Variants in OSBPL9 observed in about 807,000 individuals in gnomAD.
OSBPL9 encodes the protein oxysterol-binding protein-related protein 9.
OSBPL9 carries 40 observed loss-of-function variants against 106.6 expected under a neutral mutation model. The ratio of observed to expected loss-of-function variants is 0.38; its 90% CI spans 0.29 to 0.49. The LOEUF is 0.49. Among genes scored for constraint, OSBPL9 ranks in the 20% least tolerant of loss-of-function variants. The pLI is 0.97. For synonymous variants in OSBPL9, 269 were observed against 295.4 expected (o/e 0.91, Z 0.92); for missense variants, 609 against 887.2 (o/e 0.69, Z 3.98).
At chr1:51,654,268 T>C (rs1646691516) in intron 2 of OSBPL9, among the ~76,000 whole-genome samples, 1 of 152,172 alleles carries the variant, frequency 6.6e-6, no homozygotes, top group South Asian at 2.1e-4. Flanking sequence ...TTAGCAGCTA[T>C]TGATGTTCAG....
chr1:51,533,371 A>G, the OSBPL9 span, among the ~76,000 whole-genome samples: 3 of 151,878 alleles, frequency 2.0e-5, no homozygotes, highest in African/African-American at 7.3e-5. Flanking sequence ...CTGTAGTCCC[A>G]GCTACTCTGG....
chr1:51,660,110 T>G (rs1647046033), intron 2 of OSBPL9, among the ~76,000 whole-genome samples: 1 of 152,110 alleles, frequency 6.6e-6, no homozygotes, highest in South Asian at 2.1e-4. Context: ...TAAATGAAAC[T>G]GGATCAATTG....
chr1:51,544,200 G>A, the OSBPL9 span, among the ~76,000 whole-genome samples: 1 of 152,162 alleles, frequency 6.6e-6, no homozygotes, highest in Non-Finnish European at 1.5e-5. Flanking sequence ...TATTTCATAT[G>A]AGAGAAGATG....
chr1:51,718,498 T>G (rs1304557482), intron 4 of OSBPL9, among the ~76,000 whole-genome samples: 7 of 152,150 alleles, frequency 4.6e-5, no homozygotes, highest in African/African-American at 1.7e-4. Flanking sequence ...ATTTAAAAAT[T>G]TATATATTGT....
chr1:51,619,858 A>T (rs182474794), intron 1 of OSBPL9, among the ~76,000 whole-genome samples: 1 of 152,338 alleles, frequency 6.6e-6, no homozygotes, highest in Non-Finnish European at 1.5e-5. Context: ...TACATCTTCC[A>T]GGAAGAATAT....
chr1:51,572,184 A>G (rs1027542555), upstream of OSBPL9, among the ~76,000 whole-genome samples: 4 of 152,218 alleles, frequency 2.6e-5, no homozygotes, highest in African/African-American at 4.8e-5. Context: ...AATGAGATTC[A>G]TAACAGTAGC....
chr1:51,524,361 T>C, the OSBPL9 span, among the ~76,000 whole-genome samples: 1 of 152,180 alleles, frequency 6.6e-6, no homozygotes, highest in African/African-American at 2.4e-5. Context: ...CCCAGGTTGG[T>C]CCAGTTTTGG....
At position 51,691,654 on chromosome 1, in the gene OSBPL9, A is replaced by G. The variant is rs867141009; in HGVS notation, c.241+22142A>G. 4.6e-5 allele frequency among the ~76,000 whole-genome samples: 7 copies of G among 152,056 alleles called. No individual in the cohort carries two copies. In the East Asian group the frequency reaches 9.6e-4, roughly 21 times the overall value. ...TTTTTAACTTCATGTCTCTTTTGTA[A>G]TAATACTTAGCTTAAAACACAAACA... is the stretch of plus-strand genomic sequence containing the variant. On this transcript the variant is annotated intron_variant, in intron 3 of 23. Transcript: ENST00000428468.
At chr1:51,649,028 T>G (rs1646342617) in intron 1 of OSBPL9, among the ~76,000 whole-genome samples, 1 of 152,206 alleles carries the variant, frequency 6.6e-6, no homozygotes, top group Admixed American at 6.5e-5. Flanking sequence ...AAAGTTAAAT[T>G]TCCTTAACTA....
chr1:51,774,475 A>C (rs1674621367), intron 14 of OSBPL9, among the ~76,000 whole-genome samples: 1 of 152,196 alleles, frequency 6.6e-6, no homozygotes, highest in Non-Finnish European at 1.5e-5. Flanking sequence ...AATGCCTTAA[A>C]TTTGTGTCTT....
At chr1:51,702,741 T>C (rs1167435797) in intron 3 of OSBPL9, among the ~76,000 whole-genome samples, 2 of 152,250 alleles carry the variant, frequency 1.3e-5, no homozygotes, top group African/African-American at 4.8e-5. Flanking sequence ...TGAATGGTAT[T>C]GCCTAGGTTT....
At chr1:51,550,721 C>G in the OSBPL9 span, among the ~76,000 whole-genome samples, 5 of 152,124 alleles carry the variant, frequency 3.3e-5, no homozygotes, top group African/African-American at 1.2e-4. Flanking sequence ...ACCACATTAG[C>G]CAGGCTGGTC....
intron 4 of OSBPL9, among the ~76,000 whole-genome samples, chr1:51,738,918 A>T (rs1021831085): frequency 8.6e-5 from 13 of 152,000 alleles, no homozygotes; most frequent in African/African-American, 3.1e-4. Context: ...GGGAAGTAGA[A>T]CACCTACCAC....
At chr1:51,737,387 A>G (rs1045132880) in intron 4 of OSBPL9, among the ~76,000 whole-genome samples, 5 of 152,240 alleles carry the variant, frequency 3.3e-5, no homozygotes, top group African/African-American at 1.2e-4. Context: ...AATGTAAATT[A>G]TAAAATAAAT....
At chr1:51,590,839 T>C (rs1645271552) in intron 1 of OSBPL9, among the ~76,000 whole-genome samples, 1 of 151,902 alleles carries the variant, frequency 6.6e-6, no homozygotes, top group Non-Finnish European at 1.5e-5. Flanking sequence ...AACCTCAAAC[T>C]TCTGGGTTCA....
chr1:51,620,098 C>T (rs111686620), intron 1 of OSBPL9, among the ~76,000 whole-genome samples: 2 of 152,174 alleles, frequency 1.3e-5, no homozygotes, highest in Non-Finnish European at 2.9e-5. Context: ...TAGTTGTGAA[C>T]TGAATAGATT....
At chr1:51,653,539 C>G (rs1311855662) in intron 2 of OSBPL9, among the ~76,000 whole-genome samples, 2 of 152,232 alleles carry the variant, frequency 1.3e-5, no homozygotes, top group African/African-American at 4.8e-5. Flanking sequence ...CCTGAAGCCT[C>G]TCCACGTGCC....
At chr1:51,596,130 C>T (rs367897087) in intron 1 of OSBPL9, among the ~76,000 whole-genome samples, 4 of 151,014 alleles carry the variant, frequency 2.6e-5, no homozygotes, top group African/African-American at 2.4e-5. Context: ...TGGTGGCGGG[C>T]GACTATAATC....
intron 3 of OSBPL9, among the ~76,000 whole-genome samples, chr1:51,697,336 T>C (rs910636560): frequency 1.3e-5 from 2 of 152,042 alleles, no homozygotes; most frequent in Admixed American, 1.3e-4. Context: ...ATATTGGGGC[T>C]CAGTAGCTAC....
Sources: gnomAD v4.1 joint callset for allele counts (sites outside exome capture counted in the v4.1 genomes callset) on GRCh38, gnomAD v4.1.1 for gene constraint, MANE v1.5 for transcripts, NCBI Gene and HGNC (gene_info 2026-07-23, HGNC 2026-07-21) for gene names.